TTLL11: variants seen among roughly 807,000 people sequenced by gnomAD.
TTLL11 encodes the protein tubulin polyglutamylase TTLL11.
TTLL11 carries 42 observed loss-of-function variants against 51.7 expected under a neutral mutation model. The observed-to-expected ratio is 0.81, with a 90% CI of 0.64 to 1.05. TTLL11 has a LOEUF of 1.05. TTLL11 is among the 50% of genes least tolerant of loss of function. The probability of loss-of-function intolerance (pLI) is 0.00; values close to 1 mark genes in which losing one functional copy is unlikely to be tolerated. For synonymous variants in TTLL11, 381 were observed against 383.5 expected (o/e 0.99, Z 0.08); for missense variants, 799 against 940.4 (o/e 0.85, Z 1.97).
chr9:121,891,760 T>C (rs1839243079), intron 6 of TTLL11, among the ~76,000 whole-genome samples: 1 of 151,862 alleles, frequency 6.6e-6, no homozygotes. Context: ...AACTTGCTCA[T>C]AGTCACTCAG....
At chr9:122,062,462 CTTTTTTTT>C (rs386416145) in intron 1 of TTLL11, among the ~76,000 whole-genome samples, 1 of 77,678 alleles carries the variant, frequency 1.3e-5, no homozygotes, top group Non-Finnish European at 2.2e-5. Flanking sequence ...TTATATTATG[CTTTTTTTT>C]TTTTTTTTTT....
chr9:121,855,966 C>T (rs921268098), intron 8 of TTLL11, among the ~76,000 whole-genome samples: 9 of 152,266 alleles, frequency 5.9e-5, no homozygotes, highest in Middle Eastern at 3.4e-3. Flanking sequence ...CTATTGCAAT[C>T]GTCAACTGTA....
chr9:121,922,570 G>T (rs1292375830), intron 6 of TTLL11, among the ~76,000 whole-genome samples: 1 of 152,210 alleles, frequency 6.6e-6, no homozygotes, highest in Non-Finnish European at 1.5e-5. Flanking sequence ...CTAACCACAA[G>T]TGTGAGACTC....
At chr9:121,829,295 T>C (rs1041398645) in intron 8 of TTLL11, among the ~76,000 whole-genome samples, 1 of 151,530 alleles carries the variant, frequency 6.6e-6, no homozygotes, top group African/African-American at 2.4e-5. Context: ...GAAAATCTCA[T>C]AGAGTACCCA....
At chr9:121,854,807 GA>G (rs10714073) in intron 8 of TTLL11, among the ~76,000 whole-genome samples, 85,323 of 152,082 alleles carry the variant, frequency 0.56, 24,389 homozygotes, top group East Asian at 0.72. Context: ...TTCTTTATTT[GA>G]ATTCTGGGCA....
intron 6 of TTLL11, among the ~76,000 whole-genome samples, chr9:121,939,087 G>A (rs775275977): frequency 3.3e-5 from 5 of 152,202 alleles, no homozygotes; most frequent in Non-Finnish European, 7.3e-5. Context: ...TAAGGACATT[G>A]ACCACAGCTG....
At chr9:122,042,698 T>C (rs1256854683) in intron 1 of TTLL11, among the ~76,000 whole-genome samples, 1 of 152,242 alleles carries the variant, frequency 6.6e-6, no homozygotes, top group Non-Finnish European at 1.5e-5. Context: ...GGTGAGTCCT[T>C]CTGTAGGTGA....
chr9:121,823,001 T>C (rs567344058), intron 8 of TTLL11, 122 bp from the exon 9 acceptor site: 1 of 1,154,878 alleles, frequency 8.7e-7, no homozygotes, highest in East Asian at 2.7e-5. Context: ...ACCGTCTCCA[T>C]TCCAGAAACT....
rs1407556245 is a variant in TTLL11 at position 121,820,018 on chromosome 9, G to A, written c.*2569C>T. On this transcript the variant is annotated 3_prime_UTR_variant, in exon 9 of 9. Coordinates refer to ENST00000321582, the MANE Select transcript of TTLL11 (RefSeq NM_001139442.2). The stretch of plus-strand genomic sequence containing the variant: ...CCCTAACAATCAGCAGGGAGGCTCT[G>A]TGCCCTGCGGGTGGGTGGGGCTATC... Among the ~76,000 whole-genome samples the A allele has an allele frequency of 6.6e-6, 1 of 152,158 alleles. No individual in the cohort carries two copies. Among genetic ancestry groups the A allele is most frequent in the Non-Finnish European group, 1.5e-5 (1 of 68,036 alleles).
rs554878260 is a variant in TTLL11, at chr9:121,974,023, C to T, written c.1467G>A (p.Lys489=). The T allele has an allele frequency of 2.6e-6, 4 of 1,551,506 alleles. No individual in the cohort carries two copies. The East Asian group carries it at 9.8e-5, about 38-fold the overall frequency. The part of the protein sequence containing the change: ...DTLRLMDPLK[K]KRENQSQQLE... ...AAAGTACTTACTGATTCTCTCTTTT[C>T]TTCTTAAGTGGGTCCATGAGGCGCA... Residue 489 remains lysine, a synonymous_variant, in exon 6 of 9, where the codon AAG becomes AAA. Transcript: ENST00000321582.
In TTLL11 at chr9:121,819,386, G is replaced by A. The variant is rs1458882569; in HGVS notation, c.*3201C>T. ...AAGGGTAGGTGGGCCCAGTTCTGTG[G>A]GTCTGTCCTGTTCTCCTGATGCTTC... On this transcript the variant is annotated 3_prime_UTR_variant, in exon 9 of 9. Transcript: ENST00000321582. The A allele has an allele frequency of 6.6e-6, 1 of 152,292 alleles. No homozygotes were observed. Among genetic ancestry groups the A allele is most frequent in the Non-Finnish European group, 1.5e-5 (1 of 68,200 alleles). 9.4% of individuals were successfully genotyped at this position (152,292 alleles called of 1,614,324 possible). A position where few individuals can be genotyped will look rare whatever the true frequency, so the allele number is the denominator to read the frequency against.
In TTLL11 at chr9:122,030,288, T is replaced by C. The variant is rs568429862; in HGVS notation, c.693+1435A>G. Reference sequence around the variant, plus strand: ...GAAGCATAGTTTGCATACAATTAAATGCACCCATTTTAAGTTAATAGTTCG... The same window carrying C: ...GAAGCATAGTTTGCATACAATTAAACGCACCCATTTTAAGTTAATAGTTCG... On this transcript the variant is annotated intron_variant, in intron 3 of 8. Transcript: ENST00000321582. 5.3e-5 allele frequency among the ~76,000 whole-genome samples: 8 copies of C among 151,200 alleles called. No homozygotes were observed. In the East Asian group the frequency reaches 1.4e-3, roughly 26 times the overall value.
At chr9:121,837,489 C>T (rs147985039) in intron 8 of TTLL11, among the ~76,000 whole-genome samples, 1 of 151,954 alleles carries the variant, frequency 6.6e-6, no homozygotes, top group African/African-American at 2.4e-5. Flanking sequence ...GTGCTGTGGG[C>T]GGTCTGGCAG....
chr9:121,937,809 T>C (rs574684635), intron 6 of TTLL11, among the ~76,000 whole-genome samples: 18 of 150,544 alleles, frequency 1.2e-4, no homozygotes, highest in Admixed American at 5.3e-4. Context: ...AAGAAAAAAA[T>C]AAATCTAAGA....
chr9:121,990,655 G>A (rs1334525646), intron 3 of TTLL11, among the ~76,000 whole-genome samples: 1 of 152,166 alleles, frequency 6.6e-6, no homozygotes, highest in African/African-American at 2.4e-5. Context: ...AGGGCCAAGC[G>A]CAACACCAAA....
At chr9:121,975,018 T>C (rs543670655) in intron 4 of TTLL11, 39 bp from the exon 5 acceptor site, 6 of 1,419,758 alleles carry the variant, frequency 4.2e-6, no homozygotes, top group East Asian at 5.1e-5. Context: ...ACTGTCTCTA[T>C]TGAGTATGGT....
At chr9:121,895,924 GTGTCTGTGTGGGTGTGTT>G (rs1448284743) in intron 6 of TTLL11, among the ~76,000 whole-genome samples, 3 of 142,686 alleles carry the variant, frequency 2.1e-5, no homozygotes, top group African/African-American at 7.7e-5. Context: ...ATGTGTGGGT[GTGTCTGTGTGGGTGTGTT>G]TGTGTGGGTG....
intron 1 of TTLL11, among the ~76,000 whole-genome samples, chr9:122,063,963 G>A (rs1281478319): frequency 6.6e-6 from 1 of 152,104 alleles, no homozygotes; most frequent in Non-Finnish European, 1.5e-5. Context: ...CTAAGTGTTA[G>A]GAAACAATAA....
chr9:121,962,849 T>C (rs575328868), intron 6 of TTLL11, among the ~76,000 whole-genome samples: 1 of 152,362 alleles, frequency 6.6e-6, no homozygotes, highest in East Asian at 1.9e-4. Flanking sequence ...AAGCACCTGC[T>C]TGGGTTCTGC....
Sources: allele counts gnomAD v4.1 joint callset (sites outside exome capture counted in the v4.1 genomes callset), GRCh38; gene constraint gnomAD v4.1.1; transcripts MANE v1.5; gene names NCBI Gene and HGNC (gene_info 2026-07-23, HGNC 2026-07-21).